CNTLN: variants seen among roughly 807,000 people sequenced by gnomAD.
The protein encoded by CNTLN is centlein, centrosomal protein.
CNTLN carries 212 observed loss-of-function variants against 180.0 expected under a neutral mutation model. That is an observed-to-expected ratio of 1.18 (90% confidence interval 1.05 to 1.32). The LOEUF is 1.32. Ranked by LOEUF, CNTLN falls within the 40% of genes most tolerant of loss-of-function variation. The probability of loss-of-function intolerance (pLI) is 0.00; values close to 1 mark genes in which losing one functional copy is unlikely to be tolerated. For synonymous variants in CNTLN, 722 were observed against 563.1 expected (o/e 1.28, Z -3.99); for missense variants, 2,095 against 1,610.9 (o/e 1.30, Z -5.14).
intron 12 of CNTLN, among the ~76,000 whole-genome samples, chr9:17,358,131 A>G (rs981730545): frequency 2.6e-5 from 4 of 152,094 alleles, no homozygotes; most frequent in Non-Finnish European, 5.9e-5. Context: ...GATTCTTATG[A>G]TGTTTTTAAA....
intron 10 of CNTLN, among the ~76,000 whole-genome samples, chr9:17,334,737 A>G (rs1199012742): frequency 6.6e-6 from 1 of 152,060 alleles, no homozygotes; most frequent in African/African-American, 2.4e-5. Context: ...GGACATAAAG[A>G]TGGGAACAGT....
chr9:17,280,522 G>C (rs759052429), intron 6 of CNTLN, among the ~76,000 whole-genome samples: 1 of 152,008 alleles, frequency 6.6e-6, no homozygotes, highest in Non-Finnish European at 1.5e-5. Flanking sequence ...ATTACATACT[G>C]ATTACTTGGG....
At chr9:17,338,337 G>T (rs150547872) in intron 10 of CNTLN, among the ~76,000 whole-genome samples, 3,655 of 100,042 alleles carry the variant, frequency 0.037, 101 homozygotes, top group Middle Eastern at 0.1. Context: ...GCTAATTTTT[G>T]TTTTTTTTTT....
the CNTLN span, among the ~76,000 whole-genome samples, chr9:17,523,482 C>T: frequency 6.6e-6 from 1 of 152,134 alleles, no homozygotes; most frequent in South Asian, 2.1e-4. Context: ...AGTGATACTC[C>T]TGCCTCAGCC....
chr9:17,449,236 A>G (rs1377395213), intron 18 of CNTLN, among the ~76,000 whole-genome samples: 1 of 152,132 alleles, frequency 6.6e-6, no homozygotes, highest in African/African-American at 2.4e-5. Flanking sequence ...TTCTTCTACC[A>G]TTAGGTATAT....
chr9:17,194,936 C>G (rs889407346), intron 2 of CNTLN, among the ~76,000 whole-genome samples: 1 of 152,038 alleles, frequency 6.6e-6, no homozygotes, highest in East Asian at 1.9e-4. Context: ...AAGCGGAAAC[C>G]CCTGATAAAA....
intron 5 of CNTLN, among the ~76,000 whole-genome samples, chr9:17,265,515 T>C (rs1300278241): frequency 6.6e-6 from 1 of 152,150 alleles, no homozygotes; most frequent in East Asian, 1.9e-4. Flanking sequence ...TTTTTTGTTG[T>C]GTCTCTGCCA....
At chr9:17,223,634 T>G (rs1824285160) in intron 2 of CNTLN, among the ~76,000 whole-genome samples, 1 of 152,026 alleles carries the variant, frequency 6.6e-6, no homozygotes, top group South Asian at 2.1e-4. Flanking sequence ...TCATGTACAA[T>G]TCACCTTTCT....
chr9:17,383,099 A>G (rs1825387490), intron 13 of CNTLN, among the ~76,000 whole-genome samples: 1 of 151,870 alleles, frequency 6.6e-6, no homozygotes, highest in African/African-American at 2.4e-5. Flanking sequence ...TGTACCCTCA[A>G]CATATATAAA....
At chr9:17,406,938 C>T (rs1827438980) in intron 15 of CNTLN, among the ~76,000 whole-genome samples, 2 of 149,042 alleles carry the variant, frequency 1.3e-5, no homozygotes, top group African/African-American at 5.1e-5. Context: ...AAATATGCTG[C>T]TTTTTATGAC....
At chr9:17,401,836 T>C (rs1361612782) in intron 15 of CNTLN, among the ~76,000 whole-genome samples, 5 of 151,748 alleles carry the variant, frequency 3.3e-5, no homozygotes, top group East Asian at 3.9e-4. Flanking sequence ...TAAACATCTA[T>C]ATAGTAACAG....
chr9:17,262,408 A>G (rs1292031011), intron 5 of CNTLN, among the ~76,000 whole-genome samples: 1 of 151,568 alleles, frequency 6.6e-6, no homozygotes. Context: ...AAAGAGAATG[A>G]GTTCACATCC....
At chr9:17,446,011 T>C (rs968745696) in intron 18 of CNTLN, among the ~76,000 whole-genome samples, 1 of 152,216 alleles carries the variant, frequency 6.6e-6, no homozygotes, top group Non-Finnish European at 1.5e-5. Context: ...TGTGTATGCA[T>C]ATCTAAAAGC....
At chr9:17,190,374 C>G (rs1391930904) in intron 2 of CNTLN, among the ~76,000 whole-genome samples, 1 of 151,802 alleles carries the variant, frequency 6.6e-6, no homozygotes, top group Non-Finnish European at 1.5e-5. Flanking sequence ...TCACAACTTT[C>G]AGATAATTTA....
intron 2 of CNTLN, among the ~76,000 whole-genome samples, chr9:17,148,665 C>T (rs1213515860): frequency 6.6e-6 from 1 of 151,998 alleles, no homozygotes; most frequent in Non-Finnish European, 1.5e-5. Context: ...CTAAATAAAC[C>T]GTGAAAAGGA....
intron 25 of CNTLN, among the ~76,000 whole-genome samples, chr9:17,502,156 CT>C (rs1368821273): frequency 2.0e-5 from 3 of 152,162 alleles, no homozygotes; most frequent in Non-Finnish European, 4.4e-5. Flanking sequence ...ATGGTTCTCT[CT>C]CATTCTTTTA....
At chr9:17,525,559 G>C in the CNTLN span, among the ~76,000 whole-genome samples, 1 of 152,066 alleles carries the variant, frequency 6.6e-6, no homozygotes, top group Admixed American at 6.5e-5. Context: ...ATTGGTTTGC[G>C]AGTTAAATGA....
chr9:17,322,425 C>T (rs972169044), intron 8 of CNTLN, among the ~76,000 whole-genome samples: 1 of 151,936 alleles, frequency 6.6e-6, no homozygotes, highest in Non-Finnish European at 1.5e-5. Context: ...ACCATTTCTG[C>T]TATAAAAAGA....
chr9:17,379,342 T>C (rs36057268), intron 13 of CNTLN, among the ~76,000 whole-genome samples: 80,304 of 151,880 alleles, frequency 0.53, 22,023 homozygotes, highest in Non-Finnish European at 0.6. Context: ...GGTTCTCAGG[T>C]CTGTACATCT....
Sources: allele counts gnomAD v4.1 joint callset (sites outside exome capture counted in the v4.1 genomes callset), GRCh38; gene constraint gnomAD v4.1.1; transcripts MANE v1.5; gene names NCBI Gene and HGNC (gene_info 2026-07-23, HGNC 2026-07-21).